The following SEMA5A variants were observed in gnomAD, a reference collection of about 807,000 sequenced individuals.
SEMA5A encodes semaphorin 5A.
Under a neutral mutation model 135.5 loss-of-function variants are expected in SEMA5A, and 55 were observed. The ratio of observed to expected loss-of-function variants is 0.41; its 90% CI spans 0.33 to 0.51. The LOEUF is 0.51. SEMA5A is among the 20% of genes least tolerant of loss of function. The probability of loss-of-function intolerance (pLI) is 0.37; values close to 1 mark genes in which losing one functional copy is unlikely to be tolerated. For synonymous variants in SEMA5A, 580 were observed against 546.5 expected (o/e 1.06, Z -0.85); for missense variants, 1,290 against 1,419.9 (o/e 0.91, Z 1.47).
intron 5 of SEMA5A, among the ~76,000 whole-genome samples, chr5:9,285,710 T>C (rs908522726): frequency 7.2e-5 from 11 of 152,278 alleles, no homozygotes; most frequent in Admixed American, 5.2e-4. Context: ...CTTCAAGGAC[T>C]GATCTCAGGA....
At chr5:9,155,091 C>G (rs1742880208) in intron 11 of SEMA5A, among the ~76,000 whole-genome samples, 1 of 152,118 alleles carries the variant, frequency 6.6e-6, no homozygotes, top group East Asian at 1.9e-4. Context: ...TTTTGGTGCC[C>G]AGCAGGGCAA....
intron 1 of SEMA5A, among the ~76,000 whole-genome samples, chr5:9,449,367 TG>T (rs1169801936): frequency 6.6e-6 from 1 of 151,768 alleles, no homozygotes; most frequent in African/African-American, 2.4e-5. Context: ...AGCTGAACAA[TG>T]AGAATGCATG....
At chr5:9,255,819 TG>T (rs1322937173) in intron 5 of SEMA5A, among the ~76,000 whole-genome samples, 1 of 152,194 alleles carries the variant, frequency 6.6e-6, no homozygotes, top group Admixed American at 6.6e-5. Context: ...ACCTCTCTCC[TG>T]GGTATATTCC....
At chr5:9,374,016 G>C (rs1474872600) in intron 3 of SEMA5A, among the ~76,000 whole-genome samples, 10 of 152,206 alleles carry the variant, frequency 6.6e-5, no homozygotes, top group Non-Finnish European at 1.5e-4. Context: ...ATGCTGTCTT[G>C]AAGGGTCACT....
intron 3 of SEMA5A, among the ~76,000 whole-genome samples, chr5:9,353,111 G>GGAAAGGAAAGGAAAA (rs1561176886): frequency 2.3e-4 from 3 of 12,798 alleles, no homozygotes; most frequent in Non-Finnish European, 4.3e-4. Context: ...GGAAAGGAAA[G>GGAAAGGAAAGGAAAA]GAAAGGAAAG....
intron 11 of SEMA5A, among the ~76,000 whole-genome samples, chr5:9,188,212 T>A (rs1021067455): frequency 2.6e-5 from 4 of 152,156 alleles, no homozygotes; most frequent in African/African-American, 9.7e-5. Flanking sequence ...CAGGCAGCCA[T>A]CTGCAAACCT....
intron 1 of SEMA5A, among the ~76,000 whole-genome samples, chr5:9,477,253 C>T (rs1052274063): frequency 4.6e-5 from 7 of 152,158 alleles, no homozygotes; most frequent in Admixed American, 1.3e-4. Flanking sequence ...TTATAAATTA[C>T]CAAATGTCAG....
At chr5:9,349,354 C>A (rs1476138381) in intron 3 of SEMA5A, among the ~76,000 whole-genome samples, 2 of 152,124 alleles carry the variant, frequency 1.3e-5, no homozygotes, top group African/African-American at 4.8e-5. Flanking sequence ...GTACCTGCTA[C>A]ATAGAAGAAC....
intron 3 of SEMA5A, among the ~76,000 whole-genome samples, chr5:9,361,160 A>T (rs1754676564): frequency 6.6e-6 from 1 of 151,966 alleles, no homozygotes; most frequent in Non-Finnish European, 1.5e-5. Context: ...TTAGCCGGGC[A>T]AGTTGGTGGG....
chr5:9,285,489 C>T (rs1175849295), intron 5 of SEMA5A, among the ~76,000 whole-genome samples: 1 of 152,238 alleles, frequency 6.6e-6, no homozygotes, highest in African/African-American at 2.4e-5. Flanking sequence ...TCTCAACATA[C>T]TAACATACAA....
chr5:9,338,268 T>C (rs886608481), intron 3 of SEMA5A, among the ~76,000 whole-genome samples: 8 of 152,230 alleles, frequency 5.3e-5, no homozygotes, highest in Non-Finnish European at 1.0e-4. Context: ...TCTTTCAAAT[T>C]AGATGTTCCA....
At chr5:9,170,871 G>A (rs1329510295) in intron 11 of SEMA5A, among the ~76,000 whole-genome samples, 1 of 152,112 alleles carries the variant, frequency 6.6e-6, no homozygotes, top group Non-Finnish European at 1.5e-5. Flanking sequence ...GTCCTACTGG[G>A]GAGTTTCCAG....
At chr5:9,533,219 CT>C (rs1320677172) in intron 1 of SEMA5A, among the ~76,000 whole-genome samples, 1 of 152,182 alleles carries the variant, frequency 6.6e-6, no homozygotes, top group Non-Finnish European at 1.5e-5. Flanking sequence ...TACATTTGAA[CT>C]TGTTAAAAAT....
intron 12 of SEMA5A, 109 bp downstream of exon 12, chr5:9,154,379 G>A (rs935062142): frequency 1.0e-5 from 9 of 859,038 alleles, no homozygotes; most frequent in East Asian, 7.8e-5. Flanking sequence ...GAGGCATGAA[G>A]GGTGGCTCTG....
At chr5:9,331,964 C>G (rs909332048) in intron 4 of SEMA5A, among the ~76,000 whole-genome samples, 5 of 152,204 alleles carry the variant, frequency 3.3e-5, no homozygotes, top group Non-Finnish European at 7.3e-5. Flanking sequence ...GACATATCTT[C>G]TGATATCTAG....
intron 3 of SEMA5A, among the ~76,000 whole-genome samples, chr5:9,374,184 A>G (rs1755260987): frequency 6.6e-6 from 1 of 152,216 alleles, no homozygotes; most frequent in Non-Finnish European, 1.5e-5. Flanking sequence ...TTGCAAACAT[A>G]GCAAGCTGTT....
intron 3 of SEMA5A, among the ~76,000 whole-genome samples, chr5:9,346,882 G>GTA (rs751735094): frequency 3.4e-4 from 49 of 146,130 alleles, no homozygotes; most frequent in Non-Finnish European, 5.4e-4. Flanking sequence ...TGGTCATTGT[G>GTA]TATATATATA....
At chr5:9,281,647 G>A (rs1750546152) in intron 5 of SEMA5A, among the ~76,000 whole-genome samples, 1 of 152,080 alleles carries the variant, frequency 6.6e-6, no homozygotes, top group Non-Finnish European at 1.5e-5. Flanking sequence ...AGAATTATCT[G>A]GATTCTTATA....
At chr5:9,113,504 A>C (rs1740352512) in intron 15 of SEMA5A, among the ~76,000 whole-genome samples, 1 of 152,226 alleles carries the variant, frequency 6.6e-6, no homozygotes, top group Non-Finnish European at 1.5e-5. Flanking sequence ...TGCATGTGCC[A>C]ATTGGTTCAA....
Sources: allele counts gnomAD v4.1 joint callset (sites outside exome capture counted in the v4.1 genomes callset), GRCh38; gene constraint gnomAD v4.1.1; transcripts MANE v1.5; gene names NCBI Gene and HGNC (gene_info 2026-07-23, HGNC 2026-07-21).